Variants in CSMD1 observed in about 807,000 individuals in gnomAD.
The protein encoded by CSMD1 is CUB and Sushi multiple domains 1, also known as CUB and sushi domain-containing protein 1.
In CSMD1, 213 loss-of-function variants were observed where a neutral mutation model predicts 417.5. The ratio of observed to expected loss-of-function variants is 0.51; its 90% confidence interval spans 0.46 to 0.57. The LOEUF (loss-of-function observed/expected upper bound fraction) is 0.57, where lower values mean the gene tolerates loss of function less well. Among genes scored for constraint, CSMD1 ranks in the 20% least tolerant of loss-of-function variants. CSMD1 has a pLI of 0.00. For synonymous variants in CSMD1, 2,862 were observed against 1,736.8 expected, an observed-to-expected ratio of 1.65 and a Z score of -16.11; for missense variants, 6,923 against 4,529.7, an observed-to-expected ratio of 1.53 and a Z score of -15.17.
chr8:3,241,361 G>A (rs1208511385), intron 26 of CSMD1, among the ~76,000 whole-genome samples: 4 of 151,934 alleles, frequency 2.6e-5, no homozygotes, highest in Admixed American at 2.0e-4. Context: ...AATGTGGAGT[G>A]GGTAGCCTCC....
chr8:4,105,576 CTA>C (rs1801526230), intron 3 of CSMD1, among the ~76,000 whole-genome samples: 1 of 152,076 alleles, frequency 6.6e-6, no homozygotes, highest in African/African-American at 2.4e-5. Context: ...AATTCATTGT[CTA>C]TGAGTAGGTG....
chr8:4,352,178 C>T (rs78831389), intron 3 of CSMD1, among the ~76,000 whole-genome samples: 1 of 152,128 alleles, frequency 6.6e-6, no homozygotes, highest in African/African-American at 2.4e-5. Context: ...CACTTAGGTT[C>T]TCATTGCCTG....
chr8:4,130,449 T>A (rs11774739), intron 3 of CSMD1, among the ~76,000 whole-genome samples: 1 of 152,178 alleles, frequency 6.6e-6, no homozygotes, highest in South Asian at 2.1e-4. Flanking sequence ...CAAAAATTTC[T>A]GGTTCTGCCA....
chr8:4,722,060 A>T (rs1405146334), intron 1 of CSMD1, among the ~76,000 whole-genome samples: 2 of 152,162 alleles, frequency 1.3e-5, no homozygotes, highest in Non-Finnish European at 2.9e-5. Context: ...AGTTGAACTT[A>T]TGTAGGATGA....
intron 3 of CSMD1, among the ~76,000 whole-genome samples, chr8:4,118,388 C>T (rs143378578): frequency 6.9e-6 from 1 of 145,336 alleles, no homozygotes; most frequent in Non-Finnish European, 1.5e-5. Flanking sequence ...CTACAAAGAA[C>T]TTAAAGAAAT....
At chr8:2,966,069 T>A in intron 58 of CSMD1, 115 bp from the exon 59 acceptor site, 1 of 894,272 alleles carries the variant, frequency 1.1e-6, no homozygotes, top group Non-Finnish European at 1.7e-6. Context: ...GGTTAAGCAG[T>A]GAATTAATAC....
chr8:3,843,817 G>C (rs981141936), intron 5 of CSMD1, among the ~76,000 whole-genome samples: 1 of 152,138 alleles, frequency 6.6e-6, no homozygotes, highest in Non-Finnish European at 1.5e-5. Context: ...TCCAAGGCTT[G>C]TTTTAGGAAT....
intron 3 of CSMD1, among the ~76,000 whole-genome samples, chr8:4,180,647 C>G (rs951280750): frequency 1.3e-5 from 2 of 152,088 alleles, no homozygotes; most frequent in Middle Eastern, 3.4e-3. Context: ...AAAAGAAGTT[C>G]TAATCCTGCC....
chr8:4,192,097 G>A (rs1259987866), intron 3 of CSMD1, among the ~76,000 whole-genome samples: 1 of 152,074 alleles, frequency 6.6e-6, no homozygotes, highest in East Asian at 1.9e-4. Flanking sequence ...AACCAAAAAC[G>A]TGGGAAGGAG....
At chr8:4,460,529 A>C (rs898127704) in intron 2 of CSMD1, among the ~76,000 whole-genome samples, 2 of 152,134 alleles carry the variant, frequency 1.3e-5, no homozygotes, top group African/African-American at 2.4e-5. Context: ...AATTCAAAGA[A>C]ATTTTTAAAC....
At chr8:3,662,602 T>G (rs1374419882) in intron 7 of CSMD1, among the ~76,000 whole-genome samples, 1 of 152,204 alleles carries the variant, frequency 6.6e-6, no homozygotes, top group Non-Finnish European at 1.5e-5. Context: ...TCTACATCCT[T>G]GAAGAATCTC....
intron 10 of CSMD1, among the ~76,000 whole-genome samples, chr8:3,556,268 C>G (rs938271094): frequency 1.3e-5 from 2 of 151,058 alleles, no homozygotes; most frequent in Non-Finnish European, 2.9e-5. Flanking sequence ...ATTAACCACC[C>G]TCACCTCCCT....
intron 7 of CSMD1, among the ~76,000 whole-genome samples, chr8:3,630,007 A>C (rs1319728501): frequency 6.6e-6 from 1 of 152,210 alleles, no homozygotes; most frequent in Non-Finnish European, 1.5e-5. Flanking sequence ...AACAGGCCCC[A>C]GAGTTTTATT....
At position 4,486,186 on chromosome 8, in the gene CSMD1, T is replaced by TATATATATACATAC. The variant is rs1801388830; in HGVS notation, c.303-66122_303-66121insGTATGTATATATAT. The stretch of plus-strand genomic sequence containing the variant: ...ACATATATATATATACATACATATA[T>TATATATATACATAC]ATATATATATATACATACATATATA... On this transcript the variant is annotated intron_variant, in intron 2 of 69. Coordinates refer to ENST00000635120, the MANE Select transcript of CSMD1 (RefSeq NM_033225.6). Among the ~76,000 whole-genome samples, 7 of 10,502 alleles carry TATATATATACATAC rather than the reference T, an allele frequency of 6.7e-4. No homozygotes were observed. In the South Asian group the frequency reaches 9.7e-3, roughly 15 times the overall value. The allele number at this position is 10,502 out of a possible 152,430, so 6.9% of individuals were successfully genotyped here. A position where few individuals can be genotyped will look rare whatever the true frequency, so the allele number is the denominator to read the frequency against.
chr8:4,362,832 G>A (rs1031566896), intron 3 of CSMD1, among the ~76,000 whole-genome samples: 1 of 152,194 alleles, frequency 6.6e-6, no homozygotes, highest in East Asian at 1.9e-4. Flanking sequence ...ATATGGGATA[G>A]TTGTTCCCCA....
chr8:3,328,995 G>C (rs926413527), intron 23 of CSMD1, among the ~76,000 whole-genome samples: 1 of 152,122 alleles, frequency 6.6e-6, no homozygotes, highest in African/African-American at 2.4e-5. Flanking sequence ...GGGAAGTGAA[G>C]AAAGCATCAG....
chr8:4,688,476 T>A (rs1373270616), intron 1 of CSMD1, among the ~76,000 whole-genome samples: 1 of 152,072 alleles, frequency 6.6e-6, no homozygotes, highest in Non-Finnish European at 1.5e-5. Context: ...CGTAAGCACT[T>A]GTATGGTGAT....
intron 2 of CSMD1, among the ~76,000 whole-genome samples, chr8:4,515,921 C>A (rs1231962898): frequency 6.6e-6 from 1 of 152,154 alleles, no homozygotes; most frequent in East Asian, 1.9e-4. Context: ...AACTAGCAGA[C>A]TTGTAGCCAT....
intron 26 of CSMD1, among the ~76,000 whole-genome samples, chr8:3,283,145 C>T (rs1168751740): frequency 6.6e-6 from 1 of 152,170 alleles, no homozygotes; most frequent in African/African-American, 2.4e-5. Flanking sequence ...AGCAGAGGTT[C>T]CTCTGTCATA....
Sources: allele counts gnomAD v4.1 joint callset (sites outside exome capture counted in the v4.1 genomes callset), GRCh38; gene constraint gnomAD v4.1.1; transcripts MANE v1.5; gene names NCBI Gene and HGNC (gene_info 2026-07-23, HGNC 2026-07-21).